The following ELF2 variants were observed in gnomAD, a reference collection of about 807,000 sequenced individuals.
The protein encoded by ELF2 is E74 like ETS transcription factor 2, also known as ETS-related transcription factor Elf-2.
A neutral mutation model predicts 54.8 loss-of-function variants in ELF2; 11 were observed. That is an observed-to-expected ratio of 0.20 (90% confidence interval 0.13 to 0.33). ELF2 has a LOEUF of 0.33. Among genes scored for constraint, ELF2 ranks in the 10% least tolerant of loss-of-function variants. ELF2 has a pLI of 1.00. For missense variants in ELF2, 513 were observed against 703.0 expected (o/e 0.73, Z 3.06); for synonymous variants, 203 against 245.1 (o/e 0.83, Z 1.61).
chr4:139,071,128 G>GTCAAA (rs1469089510), intron 6 of ELF2, among the ~76,000 whole-genome samples: 1 of 152,106 alleles, frequency 6.6e-6, no homozygotes, highest in Non-Finnish European at 1.5e-5. Context: ...CAAATAGTAA[G>GTCAAA]TGGAAATGCT....
intron 1 of ELF2, among the ~76,000 whole-genome samples, chr4:139,153,107 G>T (rs1239151056): frequency 6.6e-6 from 1 of 151,824 alleles, no homozygotes; most frequent in Non-Finnish European, 1.5e-5. Flanking sequence ...AGACTATTTT[G>T]ACAATACTCT....
chr4:139,156,529 C>T (rs1035281979), intron 1 of ELF2, among the ~76,000 whole-genome samples: 8 of 151,554 alleles, frequency 5.3e-5, no homozygotes, highest in Admixed American at 5.3e-4. Context: ...CATACCATGA[C>T]TAATAACAGC....
intron 4 of ELF2, among the ~76,000 whole-genome samples, chr4:139,075,802 TTTA>T (rs1307712971): frequency 6.6e-6 from 1 of 152,200 alleles, no homozygotes; most frequent in Non-Finnish European, 1.5e-5. Flanking sequence ...AAGAACAAAT[TTTA>T]TTATCTTAAT....
At chr4:139,095,094 T>C (rs1046045253) in intron 4 of ELF2, among the ~76,000 whole-genome samples, 8 of 152,168 alleles carry the variant, frequency 5.3e-5, no homozygotes, top group African/African-American at 1.7e-4. Flanking sequence ...CCCCGTCTCA[T>C]TGCATTGGCT....
intron 7 of ELF2, 90 bp from the exon 8 acceptor site, chr4:139,062,147 T>A: frequency 2.3e-6 from 3 of 1,276,990 alleles, no homozygotes; most frequent in Non-Finnish European, 2.1e-6. Context: ...CATTGTATCA[T>A]AAAAATCCTG....
chr4:139,119,648 G>A (rs771556664), intron 4 of ELF2, among the ~76,000 whole-genome samples: 4 of 152,260 alleles, frequency 2.6e-5, no homozygotes, highest in African/African-American at 4.8e-5. Context: ...TGTCTCTTAC[G>A]GGTACCTTAT....
intron 1 of ELF2, among the ~76,000 whole-genome samples, chr4:139,166,683 A>G (rs1280997990): frequency 6.6e-6 from 1 of 152,154 alleles, no homozygotes; most frequent in Admixed American, 6.5e-5. Flanking sequence ...CCTGGCTAAC[A>G]TAGTGAAACC....
rs564487826 is a variant in ELF2 at position 139,060,130 on chromosome 4, G to A, written c.1157+194C>T. Among the ~76,000 whole-genome samples, 7 of 152,194 alleles carry A rather than the reference G, an allele frequency of 4.6e-5. No homozygotes were observed. The East Asian group carries it at 1.2e-3, about 25-fold the overall frequency. On this transcript the variant is annotated intron_variant, in intron 9 of 9. Transcript: ENST00000686138. ...CTCCCAAAGGGCTATGATTATAGGC[G>A]TGAACCACTGAACCCAGCAAGACAT...
At chr4:139,063,271 G>T (rs1472326426) in intron 7 of ELF2, among the ~76,000 whole-genome samples, 2 of 151,734 alleles carry the variant, frequency 1.3e-5, no homozygotes, top group African/African-American at 2.4e-5. Context: ...AAAAAAGAAA[G>T]AAAAAAGAAC....
At chr4:139,125,808 A>C (rs1405394204) in intron 3 of ELF2, among the ~76,000 whole-genome samples, 3 of 151,416 alleles carry the variant, frequency 2.0e-5, no homozygotes, top group Non-Finnish European at 4.4e-5. Flanking sequence ...AAAATCTGAG[A>C]AACAACACAC....
At chr4:139,170,789 A>G (rs1742231963) in intron 1 of ELF2, among the ~76,000 whole-genome samples, 1 of 150,870 alleles carries the variant, frequency 6.6e-6, no homozygotes, top group African/African-American at 2.4e-5. Flanking sequence ...TCTGTTGCCC[A>G]GGCTGCAGTG....
At chr4:139,126,563 C>A (rs995961139) in intron 3 of ELF2, among the ~76,000 whole-genome samples, 2 of 152,042 alleles carry the variant, frequency 1.3e-5, no homozygotes, top group Non-Finnish European at 2.9e-5. Flanking sequence ...AGAAAAGATT[C>A]TACAAGCTTC....
chr4:139,173,179 T>C (rs182747062), intron 1 of ELF2, among the ~76,000 whole-genome samples: 4 of 152,198 alleles, frequency 2.6e-5, no homozygotes, highest in Admixed American at 2.6e-4. Flanking sequence ...ATGGAAATGT[T>C]CGAAAACTAG....
intron 7 of ELF2, 108 bp from the exon 8 acceptor site, chr4:139,062,165 T>C: frequency 8.6e-7 from 1 of 1,166,354 alleles, no homozygotes; most frequent in Non-Finnish European, 1.2e-6. Context: ...CTGAATATAC[T>C]TGTTTCTACT....
At chr4:139,137,209 C>T (rs553670152) in intron 3 of ELF2, 5 of 158,582 alleles carry the variant, frequency 3.2e-5, no homozygotes, top group African/African-American at 7.2e-5. Flanking sequence ...ATCTCCACAC[C>T]GATTTAGATA....
chr4:139,132,841 C>CATATATATATATATATATATATATAT (rs58765596), intron 3 of ELF2, among the ~76,000 whole-genome samples: 6 of 115,032 alleles, frequency 5.2e-5, no homozygotes, highest in African/African-American at 1.9e-4. Context: ...TATTACTTTA[C>CATATATATATATATATATATATATAT]ATATATATAT....
At chr4:139,159,054 G>A (rs1740832758) in intron 1 of ELF2, among the ~76,000 whole-genome samples, 1 of 152,186 alleles carries the variant, frequency 6.6e-6, no homozygotes, top group African/African-American at 2.4e-5. Context: ...GAGGAATTAT[G>A]TCTGACAGAA....
Position 139,060,690 on chromosome 4 carries a change from G to A in ELF2, c.807-16C>T. On this transcript the variant is annotated splice_polypyrimidine_tract_variant and intron_variant, in intron 8 of 9. Transcript: ENST00000686138. The stretch of plus-strand genomic sequence containing the variant: ...GTAGTAGTATCTGTAAGGGGAAAAT[G>A]TACCAAATGAATCAAGTATATTATT... 1.3e-6 allele frequency: 2 copies of A among 1,553,340 alleles called. No homozygotes were observed. Among genetic ancestry groups the A allele is most frequent in the South Asian group, 2.5e-5 (2 of 80,960 alleles).
At chr4:139,148,943 T>C (rs1237112458) in intron 1 of ELF2, among the ~76,000 whole-genome samples, 1 of 152,246 alleles carries the variant, frequency 6.6e-6, no homozygotes, top group Admixed American at 6.5e-5. Context: ...ATCATTTTGG[T>C]AGATGCGGTA....
Sources: gnomAD v4.1 joint callset for allele counts (sites outside exome capture counted in the v4.1 genomes callset) on GRCh38, gnomAD v4.1.1 for gene constraint, MANE v1.5 for transcripts, NCBI Gene and HGNC (gene_info 2026-07-23, HGNC 2026-07-21) for gene names.